The following GBP6 variants were observed in gnomAD, a reference collection of about 807,000 sequenced individuals.
GBP6 encodes guanylate binding protein family member 6.
In GBP6, 54 loss-of-function variants were observed where a neutral mutation model predicts 61.5. The ratio of observed to expected loss-of-function variants is 0.88; its 90% CI spans 0.71 to 1.10. GBP6 has a LOEUF of 1.10. Ranked by LOEUF, GBP6 falls within the 50% of genes least tolerant of loss-of-function variation. The pLI, the probability that GBP6 is intolerant of heterozygous loss-of-function variation, is 0.00. For missense variants in GBP6, 748 were observed against 752.8 expected (o/e 0.99, Z 0.07); for synonymous variants, 255 against 273.7 (o/e 0.93, Z 0.67).
At chr1:89,381,669 C>G in intron 6 of GBP6, 25 bp from the exon 7 acceptor site, 2 of 1,572,956 alleles carry the variant, frequency 1.3e-6, no homozygotes, top group Non-Finnish European at 1.7e-6. Flanking sequence ...TCATATTTAG[C>G]CCCTAAATCT....
At chr1:89,369,277 A>G (rs1652552135) in intron 2 of GBP6, among the ~76,000 whole-genome samples, 1 of 152,170 alleles carries the variant, frequency 6.6e-6, no homozygotes, top group South Asian at 2.1e-4. Flanking sequence ...ACTTTTCAAG[A>G]TGTTCCTGTT....
At position 89,385,306 on chromosome 1, in the gene GBP6, G is replaced by A. The variant is rs772004170; in HGVS notation, c.1739G>A (p.Arg580His). The change falls in exon 11 of 11, where the codon CGT (arginine) becomes CAT (histidine). Residue 580 changes from arginine to histidine, a missense_variant. By Grantham distance (29) the Arg-to-His change is conservative. Transcript: ENST00000370456. The stretch of plus-strand genomic sequence containing the variant: ...AATGCAGAGATAAGTCAATTTAAAC[G>A]TATGATTGATACTACAAAAAATGAT... The part of the protein sequence containing the change: ...EMNAEISQFK[R>H]MIDTTKNDDT... The A allele has an allele frequency of 4.4e-5, 71 of 1,613,980 alleles. 1 individual carries two copies. The highest frequency in any genetic ancestry group is 2.5e-4 in the South Asian group (23 of 91,084).
rs1570468556 is a variant in GBP6 at position 89,379,359 on chromosome 1, T to A, written c.625+746T>A. Among the ~76,000 whole-genome samples the A allele has an allele frequency of 4.5e-5, 6 of 133,090 alleles. No individual in the cohort carries two copies. In the South Asian group the frequency reaches 1.4e-3, roughly 32 times the overall value. 87.3% of individuals were successfully genotyped at this position (133,090 alleles called of 152,430 possible). ...CACCTCCAACATTGGGGGGGGGGGG[T>A]CATATTTCAACATGAGATTTGGAGG... is the stretch of plus-strand genomic sequence containing the variant. On this transcript the variant is annotated intron_variant, in intron 5 of 10. Transcript: ENST00000370456.
chr1:89,372,235 C>T (rs1023556666), intron 3 of GBP6, among the ~76,000 whole-genome samples: 31 of 152,302 alleles, frequency 2.0e-4, no homozygotes, highest in African/African-American at 4.3e-4. Flanking sequence ...AATGGCCATA[C>T]GGCCCAAGGT....
rs1206956699 is a variant in GBP6, at chr1:89,386,090, A to T, written c.*621A>T. 6.6e-6 allele frequency: 1 copy of T among 152,182 alleles called. No homozygotes were observed. The highest frequency in any genetic ancestry group is 1.5e-5 in the Non-Finnish European group (1 of 68,050). The allele number at this position is 152,182 out of a possible 1,614,324, so 9.4% of individuals were successfully genotyped here. A position where few individuals can be genotyped will look rare whatever the true frequency, so the allele number is the denominator to read the frequency against. ...ATGTGCATGTACTGGAATATTATATAGCCAGTAAACAAATTGACAATGAAG... is the reference window on the plus strand; with the variant it reads ...ATGTGCATGTACTGGAATATTATATTGCCAGTAAACAAATTGACAATGAAG... On this transcript the variant is annotated 3_prime_UTR_variant, in exon 11 of 11. Transcript: ENST00000370456.
intron 3 of GBP6, among the ~76,000 whole-genome samples, chr1:89,375,720 CTGAT>C (rs1199477937): frequency 2.0e-5 from 3 of 152,232 alleles, no homozygotes; most frequent in Non-Finnish European, 4.4e-5. Context: ...TTTCACTCCG[CTGAT>C]TGTTTCCTTT....
chr1:89,379,313 C>T (rs1402949463), intron 5 of GBP6, among the ~76,000 whole-genome samples: 1 of 144,656 alleles, frequency 6.9e-6, no homozygotes, highest in African/African-American at 2.6e-5. Flanking sequence ...CCCCTGTGAC[C>T]CAAACACCTC....
At chr1:89,377,545 A>T (rs1390472203) in intron 3 of GBP6, among the ~76,000 whole-genome samples, 1 of 152,186 alleles carries the variant, frequency 6.6e-6, no homozygotes, top group Admixed American at 6.6e-5. Context: ...TACATTACTA[A>T]GATGTTATCT....
intron 8 of GBP6, among the ~76,000 whole-genome samples, chr1:89,383,284 G>A (rs1653040571): frequency 6.6e-6 from 1 of 152,118 alleles, no homozygotes; most frequent in African/African-American, 2.4e-5. Flanking sequence ...CTTGCCTAAA[G>A]TTCTAGCCAG....
intron 3 of GBP6, among the ~76,000 whole-genome samples, chr1:89,370,693 T>C (rs567280098): frequency 6.6e-6 from 1 of 152,324 alleles, no homozygotes; most frequent in African/African-American, 2.4e-5. Flanking sequence ...CAAATAAAAA[T>C]TATATATAAT....
At chr1:89,371,307 T>G (rs1652633829) in intron 3 of GBP6, among the ~76,000 whole-genome samples, 1 of 152,172 alleles carries the variant, frequency 6.6e-6, no homozygotes, top group Non-Finnish European at 1.5e-5. Context: ...CTAACTCATT[T>G]TATGAGGCCA....
chr1:89,369,434 G>A, intron 2 of GBP6, 112 bp from the exon 3 acceptor site: 1 of 1,250,038 alleles, frequency 8.0e-7, no homozygotes, highest in African/African-American at 1.5e-5. Flanking sequence ...AATACAGAAA[G>A]GACCATCATG....
intron 3 of GBP6, among the ~76,000 whole-genome samples, chr1:89,372,243 G>A (rs1652664744): frequency 6.6e-6 from 1 of 152,170 alleles, no homozygotes; most frequent in Admixed American, 6.5e-5. Flanking sequence ...TACGGCCCAA[G>A]GTAATTTATA....
chr1:89,380,480 A>G lies in GBP6; in HGVS notation c.720A>G (p.Thr240=). ...KRKCFVFDRP[T]NDKDLLANIE... ...AGTGTTTCGTCTTTGACCGGCCAAC[A>G]AATGACAAAGACCTTCTAGCCAATA... Residue 240 remains threonine, a synonymous_variant, in exon 6 of 11, where the codon ACA becomes ACG. Coordinates refer to ENST00000370456, the MANE Select transcript of GBP6 (RefSeq NM_198460.3). 1.9e-6 allele frequency: 3 copies of G among 1,614,166 alleles called. No individual in the cohort carries two copies. Among genetic ancestry groups the G allele is most frequent in the Non-Finnish European group, 2.5e-6 (3 of 1,180,016 alleles).
chr1:89,369,188 AG>A (rs1273290899), intron 2 of GBP6, among the ~76,000 whole-genome samples: 1 of 152,210 alleles, frequency 6.6e-6, no homozygotes, highest in Non-Finnish European at 1.5e-5. Context: ...ATGCAAAAAA[AG>A]ATCTCAATTT....
chr1:89,371,647 A>G (rs1409915203), intron 3 of GBP6, among the ~76,000 whole-genome samples: 1 of 152,234 alleles, frequency 6.6e-6, no homozygotes, highest in African/African-American at 2.4e-5. Flanking sequence ...TAAATTAGGT[A>G]TTGATGGGAC....
rs765846766 is a variant in GBP6, at chr1:89,385,364, C to A, written c.1797C>A (p.Asn599Lys). 1 of 1,614,122 alleles carries A rather than the reference C, an allele frequency of 6.2e-7. No homozygotes were observed. The highest frequency in any genetic ancestry group is 1.7e-5 in the Admixed American group (1 of 60,014). Residue 599 changes from asparagine to lysine, a missense_variant, in exon 11 of 11, where the codon AAC becomes AAA. Coordinates refer to ENST00000370456, the MANE Select transcript of GBP6 (RefSeq NM_198460.3). ...DTPWIARTLDNLADELTAILS... is the reference protein window; with the variant it reads ...DTPWIARTLDKLADELTAILS... ...CCTGGATTGCACGAACCTTGGACAACCTTGCCGATGAGCTAACTGCAATAT... is the reference window on the plus strand; with the variant it reads ...CCTGGATTGCACGAACCTTGGACAAACTTGCCGATGAGCTAACTGCAATAT...
intron 3 of GBP6, among the ~76,000 whole-genome samples, chr1:89,376,157 T>G (rs527607677): frequency 2.8e-4 from 42 of 152,348 alleles, no homozygotes; most frequent in African/African-American, 9.4e-4. Flanking sequence ...TTAATAGTAT[T>G]TCATTGTGTA....
In GBP6 at chr1:89,368,729, G is replaced by T; in HGVS notation, c.178G>T (p.Gly60Ter). ...GKSYLMNHLA[G>*]QNHGFPLGST... ...ATCCTACTTGATGAACCATCTGGCA[G>T]GACAGAATCATGGTAAGTGGTATCC... Residue 60 changes from glycine (G) to a stop codon, truncating the protein, a stop_gained, in exon 2 of 11, where the codon GGA (glycine) becomes TGA (stop). Transcript: ENST00000370456. LOFTEE classifies it high-confidence loss of function. 6.2e-7 allele frequency: 1 copy of T among 1,612,656 alleles called. No individual in the cohort carries two copies.
Sources: gnomAD v4.1 joint callset for allele counts (sites outside exome capture counted in the v4.1 genomes callset) on GRCh38, gnomAD v4.1.1 for gene constraint, MANE v1.5 for transcripts, NCBI Gene and HGNC (gene_info 2026-07-23, HGNC 2026-07-21) for gene names.